Variants in ZNF398 observed in about 807,000 individuals in gnomAD.
The protein encoded by ZNF398 is zinc finger protein 398, also known as zinc finger DNA binding protein ZER6.
In ZNF398, 18 loss-of-function variants were observed where a neutral mutation model predicts 41.9. The ratio of observed to expected loss-of-function variants is 0.43; its 90% CI spans 0.30 to 0.64. The LOEUF is 0.64. Ranked by LOEUF, ZNF398 falls within the 30% of genes least tolerant of loss-of-function variation. The pLI, the probability that ZNF398 is intolerant of heterozygous loss-of-function variation, is 0.14. For synonymous variants in ZNF398, 260 were observed against 308.8 expected, an observed-to-expected ratio of 0.84 and a Z score of 1.66; for missense variants, 669 against 822.8, an observed-to-expected ratio of 0.81 and a Z score of 2.29.
chr7:149,175,116 G>A (rs1166407872), intron 4 of ZNF398, among the ~76,000 whole-genome samples: 3 of 152,060 alleles, frequency 2.0e-5, no homozygotes, highest in African/African-American at 4.8e-5. Context: ...TTGGGCTTTC[G>A]TCTTACCCCA....
intron 2 of ZNF398, among the ~76,000 whole-genome samples, chr7:149,132,243 G>A (rs994806170): frequency 1.5e-5 from 2 of 137,786 alleles, no homozygotes; most frequent in Non-Finnish European, 3.0e-5. Flanking sequence ...CCCCCAGGCT[G>A]TAGTGCAATG....
chr7:149,166,966 C>A, intron 4 of ZNF398, 36 bp downstream of exon 4: 2 of 1,476,408 alleles, frequency 1.4e-6, no homozygotes, highest in South Asian at 2.4e-5. Context: ...TCTTGTCTCC[C>A]TTTCCTGGTC....
At chr7:149,159,532 C>T (rs1358759055) in intron 2 of ZNF398, among the ~76,000 whole-genome samples, 1 of 151,672 alleles carries the variant, frequency 6.6e-6, no homozygotes, top group Non-Finnish European at 1.5e-5. Flanking sequence ...CCTGTAGTCC[C>T]AGCTACCCGG....
rs1826992920 is a variant in ZNF398, at chr7:149,147,824, A to T, written c.24+58A>T. The stretch of plus-strand genomic sequence containing the variant: ...CCCGAGACCCAGACCCCGAGGGAGG[A>T]AGGCGGGCGGGCAGGGAGCTGCCAG... On this transcript the variant is annotated intron_variant, in intron 1 of 5. Coordinates refer to ENST00000475153, the MANE Select transcript of ZNF398 (RefSeq NM_170686.3). The surrounding 1 kb of genome is among the most constrained non-coding windows in gnomAD (Gnocchi z 5.6). 7.6e-7 allele frequency: 1 copy of T among 1,322,938 alleles called. No individual in the cohort carries two copies. The highest frequency in any genetic ancestry group is 3.1e-5 in the East Asian group (1 of 32,766). 81.9% of individuals were successfully genotyped at this position (1,322,938 alleles called of 1,614,324 possible). A position where few individuals can be genotyped will look rare whatever the true frequency, so the allele number is the denominator to read the frequency against.
chr7:149,133,708 C>G (rs1404402907), intron 2 of ZNF398, among the ~76,000 whole-genome samples: 1 of 67,482 alleles, frequency 1.5e-5, no homozygotes, highest in East Asian at 4.4e-4. Flanking sequence ...TATATATACA[C>G]ACATATATAT....
At chr7:149,172,587 A>G (rs1373473388) in intron 4 of ZNF398, among the ~76,000 whole-genome samples, 2 of 152,236 alleles carry the variant, frequency 1.3e-5, no homozygotes, top group African/African-American at 4.8e-5. Flanking sequence ...GGAAGGAAGG[A>G]AGTTACATGC....
intron 2 of ZNF398, among the ~76,000 whole-genome samples, chr7:149,129,899 C>G (rs1391257579): frequency 6.6e-6 from 1 of 152,104 alleles, no homozygotes; most frequent in African/African-American, 2.4e-5. Flanking sequence ...CTCCCAGGTT[C>G]AAGCGATTCT....
In ZNF398 at chr7:149,179,831, T is replaced by C; in HGVS notation, c.*30T>C. 6.5e-7 allele frequency: 1 copy of C among 1,535,526 alleles called. No homozygotes were observed. The highest frequency in any genetic ancestry group is 1.3e-5 in the South Asian group (1 of 78,580). ...AAATCTCTGTGGCTTCATGCTTGTATATGCTCACAGCAGGGCACAAAATCC... is the reference window on the plus strand; with the variant it reads ...AAATCTCTGTGGCTTCATGCTTGTACATGCTCACAGCAGGGCACAAAATCC... On this transcript the variant is annotated 3_prime_UTR_variant, in exon 6 of 6. Transcript: ENST00000475153. The surrounding 1 kb of genome is among the most constrained non-coding windows in gnomAD (Gnocchi z 6.1).
chr7:149,166,907 A>T lies in ZNF398; in HGVS notation c.638A>T (p.Glu213Val). 1 of 1,611,784 alleles carries T rather than the reference A, an allele frequency of 6.2e-7. No homozygotes were observed. The highest frequency in any genetic ancestry group is 8.5e-7 in the Non-Finnish European group (1 of 1,178,426). ...TEDQAGPEES[E>V]IPTDPSEEPG... The stretch of plus-strand genomic sequence containing the variant: ...GACCAGGCAGGGCCAGAGGAAAGTG[A>T]GATTCCCACAGACCCCAGTGAAGGT... Residue 213 changes from glutamate (E) to valine (V), a missense_variant, in exon 4 of 6, where the codon GAG (glutamate) becomes GTG (valine). By Grantham distance (121) the Glu-to-Val change is moderately radical. This residue lies in a region of ZNF398 where 290 missense variants were observed against 292.9 expected (regional missense o/e 0.99). Coordinates refer to ENST00000475153, the MANE Select transcript of ZNF398 (RefSeq NM_170686.3).
Position 149,179,773 on chromosome 7 carries a change from G to T in ZNF398, c.1901G>T (p.Gly634Val), listed in dbSNP as rs776394177. 3 of 1,596,584 alleles carry T rather than the reference G, an allele frequency of 1.9e-6. No homozygotes were observed. The highest frequency in any genetic ancestry group is 2.6e-6 in the Non-Finnish European group (3 of 1,168,594). Residue 634 changes from glycine (G) to valine (V), a missense_variant, in exon 6 of 6, where the codon GGG (glycine) becomes GTG (valine). Around this residue, in one of 3 missense-constraint regions of ZNF398, gnomAD observed 210 missense variants for 290.4 expected, o/e 0.72. Transcript: ENST00000475153. The surrounding 1 kb of genome is among the most constrained non-coding windows in gnomAD (Gnocchi z 6.1). ...GGTCTAGAGACCAACCAGTGGTATG[G>T]GGAAGGGAGTGGAGGGGGAGTTTTG... is the stretch of plus-strand genomic sequence containing the variant. ...TEGLETNQWY[G>V]EGSGGGVL
At chr7:149,147,263 G>A (rs1826966631), upstream of ZNF398, 1 of 152,268 alleles carries the variant, frequency 6.6e-6, no homozygotes, top group Non-Finnish European at 1.5e-5. This position sits in a 1 kb window ranked among gnomAD's most constrained non-coding sequence, Gnocchi z 5.6. Flanking sequence ...CCTTCTCGTG[G>A]GAATGTGAGA....
intron 2 of ZNF398, among the ~76,000 whole-genome samples, chr7:149,142,100 C>G (rs1826837349): frequency 6.6e-6 from 1 of 152,118 alleles, no homozygotes; most frequent in Non-Finnish European, 1.5e-5. Flanking sequence ...AGAGGTGAGT[C>G]ACCGTGCCTG....
At chr7:149,171,959 A>G (rs1795352507) in intron 4 of ZNF398, among the ~76,000 whole-genome samples, 1 of 152,172 alleles carries the variant, frequency 6.6e-6, no homozygotes, top group Non-Finnish European at 1.5e-5. Flanking sequence ...GTGAGCCACC[A>G]TGCTCGACAG....
At chr7:149,167,083 A>G (rs935296126) in intron 4 of ZNF398, among the ~76,000 whole-genome samples, 153 bp downstream of exon 4, 8 of 152,170 alleles carry the variant, frequency 5.3e-5, no homozygotes, top group Non-Finnish European at 8.8e-5. Flanking sequence ...TATAAAAGGG[A>G]GCTTAGAGGT....
intron 4 of ZNF398, among the ~76,000 whole-genome samples, chr7:149,173,543 T>C (rs1467315962): frequency 6.6e-6 from 1 of 152,184 alleles, no homozygotes; most frequent in Admixed American, 6.5e-5. Flanking sequence ...GGCTGTAGAA[T>C]GGATGTTGTT....
At chr7:149,145,274 C>T (rs1826910508), upstream of ZNF398, among the ~76,000 whole-genome samples, 1 of 152,146 alleles carries the variant, frequency 6.6e-6, no homozygotes, top group African/African-American at 2.4e-5. Flanking sequence ...ATGTGCTTAT[C>T]CTATCACCAC....
At chr7:149,155,727 T>A (rs868860741) in intron 2 of ZNF398, among the ~76,000 whole-genome samples, 4,139 of 62,320 alleles carry the variant, frequency 0.066, 180 homozygotes, top group African/African-American at 0.17. Context: ...TTTTTTTTTT[T>A]TTAATTTTTT....
At chr7:149,162,526 C>T (rs938150034) in intron 2 of ZNF398, among the ~76,000 whole-genome samples, 9 of 152,080 alleles carry the variant, frequency 5.9e-5, no homozygotes, top group Admixed American at 5.2e-4. Context: ...GACAGGATCT[C>T]ACTATGTTGT....
At chr7:149,136,050 G>A (rs1476409188) in intron 2 of ZNF398, among the ~76,000 whole-genome samples, 1 of 143,806 alleles carries the variant, frequency 7.0e-6, no homozygotes, top group East Asian at 1.9e-4. Context: ...TTGGTATCAT[G>A]TGTAAGAACT....
Sources: gnomAD v4.1 joint callset for allele counts (sites outside exome capture counted in the v4.1 genomes callset) on GRCh38, gnomAD v4.1.1 for gene constraint, gnomAD v4.1.1 regional missense constraint, Gnocchi (gnomAD v3.1) non-coding constraint, MANE v1.5 for transcripts, NCBI Gene and HGNC (gene_info 2026-07-23, HGNC 2026-07-21) for gene names.